Variants in GAB2 observed in about 807,000 individuals in gnomAD.
GAB2 encodes GRB2 associated binding protein 2.
In GAB2, 26 loss-of-function variants were observed where a neutral mutation model predicts 65.5. The ratio of observed to expected loss-of-function variants is 0.40; its 90% CI spans 0.29 to 0.55. The LOEUF is 0.55. Among genes scored for constraint, GAB2 ranks in the 20% least tolerant of loss-of-function variants. The pLI is 0.53. For missense variants in GAB2, 884 were observed against 875.8 expected, an observed-to-expected ratio of 1.01 and a Z score of -0.12; for synonymous variants, 321 against 329.6, an observed-to-expected ratio of 0.97 and a Z score of 0.28.
intron 2 of GAB2, among the ~76,000 whole-genome samples, chr11:78,259,722 A>G (rs1443911693): frequency 6.6e-6 from 1 of 152,046 alleles, no homozygotes; most frequent in East Asian, 1.9e-4. Context: ...ATTTATCACC[A>G]CCACCCTCCT....
intron 1 of GAB2, among the ~76,000 whole-genome samples, chr11:78,363,584 TTC>T (rs1491235495): frequency 1.3e-5 from 2 of 150,520 alleles, no homozygotes; most frequent in African/African-American, 5.0e-5. Context: ...GAAATATATT[TTC>T]TTTTTTTTTT....
intron 1 of GAB2, among the ~76,000 whole-genome samples, chr11:78,283,087 A>G (rs1866375690): frequency 6.6e-6 from 1 of 152,062 alleles, no homozygotes; most frequent in African/African-American, 2.4e-5. Context: ...ATCCTACTAT[A>G]TTTACCTAGT....
chr11:78,304,467 G>A (rs759332667), intron 1 of GAB2, among the ~76,000 whole-genome samples: 2 of 152,180 alleles, frequency 1.3e-5, no homozygotes, highest in African/African-American at 2.4e-5. Context: ...ACTCGATTTC[G>A]CCAAGGGCCA....
At chr11:78,249,308 A>G (rs761230546) in intron 3 of GAB2, among the ~76,000 whole-genome samples, 3 of 152,254 alleles carry the variant, frequency 2.0e-5, no homozygotes, top group Non-Finnish European at 4.4e-5. Flanking sequence ...CAAGTAATAC[A>G]TTAGTACAGC....
intron 1 of GAB2, among the ~76,000 whole-genome samples, chr11:78,339,673 G>A (rs1446936184): frequency 6.6e-6 from 1 of 152,166 alleles, no homozygotes; most frequent in Admixed American, 6.5e-5. Flanking sequence ...TGACTGTCAT[G>A]GAAAGTGTAA....
At chr11:78,307,991 C>T (rs150892167) in intron 1 of GAB2, among the ~76,000 whole-genome samples, 2 of 152,174 alleles carry the variant, frequency 1.3e-5, no homozygotes, top group Non-Finnish European at 2.9e-5. Context: ...CCTGGAAGAA[C>T]AAAAAGGCAG....
chr11:78,317,460 T>G (rs896126596), intron 1 of GAB2, among the ~76,000 whole-genome samples: 4 of 148,374 alleles, frequency 2.7e-5, no homozygotes, highest in Non-Finnish European at 5.9e-5. Flanking sequence ...CTCGGGAGGC[T>G]GAATCGGGAT....
At chr11:78,344,066 G>A (rs1856143120) in intron 1 of GAB2, among the ~76,000 whole-genome samples, 1 of 152,128 alleles carries the variant, frequency 6.6e-6, no homozygotes, top group Admixed American at 6.5e-5. Context: ...TTTTAGATAT[G>A]CAAGGAGTTA....
chr11:78,286,781 T>C (rs955423866), intron 1 of GAB2, among the ~76,000 whole-genome samples: 4 of 152,178 alleles, frequency 2.6e-5, no homozygotes, highest in African/African-American at 9.7e-5. Context: ...GCAGTATCCA[T>C]GTAATAAATA....
At chr11:78,369,780 G>C (rs949074321) in intron 1 of GAB2, among the ~76,000 whole-genome samples, 1 of 152,052 alleles carries the variant, frequency 6.6e-6, no homozygotes, top group East Asian at 1.9e-4. Flanking sequence ...TAGTATACTC[G>C]GACACTACTA....
intron 2 of GAB2, among the ~76,000 whole-genome samples, chr11:78,262,073 C>T (rs954245762): frequency 1.1e-4 from 16 of 152,152 alleles, no homozygotes; most frequent in African/African-American, 2.2e-4. Flanking sequence ...TATCAAGAAT[C>T]GTGATCAGCG....
chr11:78,236,207 C>T (rs957364613), intron 3 of GAB2, among the ~76,000 whole-genome samples: 3 of 152,104 alleles, frequency 2.0e-5, no homozygotes, highest in African/African-American at 4.8e-5. Context: ...TGGTACCATT[C>T]GATATATAAT....
At chr11:78,347,163 G>T (rs1338446470) in intron 1 of GAB2, among the ~76,000 whole-genome samples, 1 of 151,986 alleles carries the variant, frequency 6.6e-6, no homozygotes, top group Non-Finnish European at 1.5e-5. Flanking sequence ...TATCAAGAGG[G>T]CACCAAAAAA....
At chr11:78,370,120 A>T (rs1175173869) in intron 1 of GAB2, among the ~76,000 whole-genome samples, 1 of 150,236 alleles carries the variant, frequency 6.7e-6, no homozygotes, top group African/African-American at 2.4e-5. Flanking sequence ...AGCCGGGCGT[A>T]GTGGCGGGCG....
intron 1 of GAB2, among the ~76,000 whole-genome samples, chr11:78,290,374 A>T (rs1866628224): frequency 3.3e-5 from 5 of 152,238 alleles, no homozygotes; most frequent in Non-Finnish European, 7.3e-5. Context: ...GTCAGAAAAC[A>T]AACCATTTCA....
intron 1 of GAB2, among the ~76,000 whole-genome samples, chr11:78,397,874 A>C (rs1000830473): frequency 2.0e-5 from 3 of 152,182 alleles, no homozygotes; most frequent in South Asian, 2.1e-4. Flanking sequence ...AGCCTCAATA[A>C]GTTATAGTCT....
At chr11:78,404,403 C>G (rs1857013575) in intron 1 of GAB2, among the ~76,000 whole-genome samples, 1 of 152,136 alleles carries the variant, frequency 6.6e-6, no homozygotes, top group Admixed American at 6.6e-5. Flanking sequence ...AAAAATTAGC[C>G]AGGCCGGGTG....
intron 1 of GAB2, among the ~76,000 whole-genome samples, chr11:78,351,623 G>T (rs1297894892): frequency 6.6e-6 from 1 of 152,038 alleles, no homozygotes; most frequent in Non-Finnish European, 1.5e-5. Flanking sequence ...CCATTTCTAC[G>T]TGAAATAGTC....
At chr11:78,348,833 T>C (rs1856230640) in intron 1 of GAB2, among the ~76,000 whole-genome samples, 1 of 152,188 alleles carries the variant, frequency 6.6e-6, no homozygotes, top group African/African-American at 2.4e-5. Flanking sequence ...TGTCCATCAA[T>C]AGGTGGTATA....
Sources: gnomAD v4.1 joint callset for allele counts (sites outside exome capture counted in the v4.1 genomes callset) on GRCh38, gnomAD v4.1.1 for gene constraint, MANE v1.5 for transcripts, NCBI Gene and HGNC (gene_info 2026-07-23, HGNC 2026-07-21) for gene names.